Variants in WDPCP observed in about 807,000 individuals in gnomAD.
WDPCP encodes WD repeat containing planar cell polarity effector, also known as WD repeat-containing and planar cell polarity effector protein fritz homolog.
Under a neutral mutation model 93.1 loss-of-function variants are expected in WDPCP, and 71 were observed. The ratio of observed to expected loss-of-function variants is 0.76; its 90% CI spans 0.63 to 0.93. The LOEUF is 0.93. Ranked by LOEUF, WDPCP falls within the 40% of genes least tolerant of loss-of-function variation. WDPCP has a pLI of 0.00. For synonymous variants in WDPCP, 315 were observed against 315.0 expected (o/e 1.00, Z 0.00); for missense variants, 844 against 887.4 (o/e 0.95, Z 0.62).
chr2:63,285,135 C>G (rs1312888652), intron 13 of WDPCP, among the ~76,000 whole-genome samples: 1 of 152,158 alleles, frequency 6.6e-6, no homozygotes, highest in Non-Finnish European at 1.5e-5. Context: ...ATGGTCTAAA[C>G]AGTCCAAAAA....
At chr2:63,570,726 T>C (rs1707426877) in intron 1 of WDPCP, among the ~76,000 whole-genome samples, 1 of 152,184 alleles carries the variant, frequency 6.6e-6, no homozygotes, top group African/African-American at 2.4e-5. Context: ...ACAAATACTT[T>C]AATTTAGTTT....
At chr2:63,174,897 T>A (rs1673688952) in intron 14 of WDPCP, 65 bp from the exon 15 acceptor site, 3 of 1,543,010 alleles carry the variant, frequency 1.9e-6, no homozygotes, top group Admixed American at 1.7e-5. Context: ...CCCTTATAAG[T>A]AAGATTACAG....
intron 12 of WDPCP, among the ~76,000 whole-genome samples, chr2:63,346,971 T>C (rs1689235715): frequency 6.6e-6 from 1 of 152,188 alleles, no homozygotes; most frequent in African/African-American, 2.4e-5. Flanking sequence ...TCCAGTTTAA[T>C]AATTGTCTAT....
At chr2:63,432,527 T>G (rs1207514105) in intron 9 of WDPCP, among the ~76,000 whole-genome samples, 1 of 152,176 alleles carries the variant, frequency 6.6e-6, no homozygotes, top group African/African-American at 2.4e-5. Context: ...CATGGCTATT[T>G]CAAGTAGAAA....
intron 17 of WDPCP, among the ~76,000 whole-genome samples, chr2:63,148,844 AAAAGG>A (rs1671704391): frequency 8.0e-6 from 1 of 124,850 alleles, no homozygotes; most frequent in African/African-American, 3.0e-5. Context: ...TAATAGGGTT[AAAAGG>A]ACACAGGAGC....
chr2:63,350,634 T>A (rs1689531763), intron 12 of WDPCP, among the ~76,000 whole-genome samples: 1 of 152,136 alleles, frequency 6.6e-6, no homozygotes, highest in Non-Finnish European at 1.5e-5. Context: ...AAGCCCTTTC[T>A]TTGCAGGGCA....
At chr2:63,231,183 A>G (rs1304453887) in intron 14 of WDPCP, among the ~76,000 whole-genome samples, 1 of 152,152 alleles carries the variant, frequency 6.6e-6, no homozygotes, top group Non-Finnish European at 1.5e-5. Flanking sequence ...CATATCTCAA[A>G]ATAATAAGAG....
At chr2:63,449,586 G>A (rs180830502) in intron 6 of WDPCP, among the ~76,000 whole-genome samples, 42 of 152,132 alleles carry the variant, frequency 2.8e-4, no homozygotes, top group Non-Finnish European at 5.4e-4. Flanking sequence ...AAACTTCAGC[G>A]GTCCACATCC....
At chr2:63,553,463 A>G (rs1705834326) in intron 1 of WDPCP, among the ~76,000 whole-genome samples, 1 of 152,078 alleles carries the variant, frequency 6.6e-6, no homozygotes, top group Non-Finnish European at 1.5e-5. Context: ...TTTTTCCTCA[A>G]TTCATCTCTG....
At chr2:63,333,758 C>A (rs1216314602) in intron 12 of WDPCP, among the ~76,000 whole-genome samples, 1 of 152,214 alleles carries the variant, frequency 6.6e-6, no homozygotes, top group African/African-American at 2.4e-5. Context: ...AAGCTGCACT[C>A]TGACCACTTT....
intron 6 of WDPCP, among the ~76,000 whole-genome samples, chr2:63,463,527 G>T (rs1476869428): frequency 6.6e-6 from 1 of 152,122 alleles, no homozygotes. Context: ...GGGCCCCCCA[G>T]TAGTCAAAAC....
chr2:63,288,324 T>C (rs1684159741), intron 13 of WDPCP, among the ~76,000 whole-genome samples: 1 of 152,134 alleles, frequency 6.6e-6, no homozygotes, highest in Non-Finnish European at 1.5e-5. Context: ...GTAAAATGAG[T>C]AGCTTTTATG....
chr2:63,550,951 A>G (rs1705589216), intron 1 of WDPCP, among the ~76,000 whole-genome samples: 1 of 152,158 alleles, frequency 6.6e-6, no homozygotes, highest in Non-Finnish European at 1.5e-5. Context: ...TTCCAGTTTT[A>G]GTAAACAATA....
intron 12 of WDPCP, among the ~76,000 whole-genome samples, chr2:63,330,040 T>C (rs1187763072): frequency 2.6e-5 from 4 of 152,258 alleles, no homozygotes; most frequent in Non-Finnish European, 5.9e-5. Flanking sequence ...TGAATAATGC[T>C]GCAATGAGCA....
At chr2:63,435,326 A>G (rs1362997543) in intron 8 of WDPCP, among the ~76,000 whole-genome samples, 4 of 152,198 alleles carry the variant, frequency 2.6e-5, no homozygotes. Context: ...GCAAAAGTAC[A>G]ATACTCTATA....
chr2:63,763,596 T>G (rs1670091993), intron 2 of WDPCP, among the ~76,000 whole-genome samples: 1 of 152,128 alleles, frequency 6.6e-6, no homozygotes, highest in African/African-American at 2.4e-5. Context: ...ATACACATGT[T>G]GTTAATTTAG....
chr2:63,657,422 G>A (rs1464479571), intron 2 of WDPCP, among the ~76,000 whole-genome samples: 1 of 151,968 alleles, frequency 6.6e-6, no homozygotes, highest in East Asian at 1.9e-4. Context: ...TAGCCCGGAT[G>A]GTCTCGATCT....
intron 17 of WDPCP, among the ~76,000 whole-genome samples, chr2:63,142,242 C>T (rs1671114576): frequency 1.3e-5 from 2 of 152,030 alleles, no homozygotes; most frequent in African/African-American, 4.8e-5. Context: ...TGAGTTTGTG[C>T]CCTTTCAGTC....
At chr2:63,654,284 G>A (rs1270272831) in intron 2 of WDPCP, among the ~76,000 whole-genome samples, 1 of 152,174 alleles carries the variant, frequency 6.6e-6, no homozygotes, top group African/African-American at 2.4e-5. Context: ...ACGAGGCACA[G>A]AGAGAAAAAG....
Sources: gnomAD v4.1 joint callset for allele counts (sites outside exome capture counted in the v4.1 genomes callset) on GRCh38, gnomAD v4.1.1 for gene constraint, MANE v1.5 for transcripts, NCBI Gene and HGNC (gene_info 2026-07-23, HGNC 2026-07-21) for gene names.